The following RAB37 variants were observed in gnomAD, a reference collection of about 807,000 sequenced individuals.
RAB37 encodes ras-related protein Rab-37.
A neutral mutation model predicts 33.1 loss-of-function variants in RAB37; 29 were observed. That is an observed-to-expected ratio of 0.88 (90% CI 0.65 to 1.20). The LOEUF (loss-of-function observed/expected upper bound fraction) is 1.20. Ranked by LOEUF, RAB37 falls within the 50% of genes most tolerant of loss-of-function variation. The probability of loss-of-function intolerance (pLI) is 0.00; values close to 1 mark genes in which losing one functional copy is unlikely to be tolerated. For synonymous variants in RAB37, 128 were observed against 119.5 expected (o/e 1.07, Z -0.47); for missense variants, 299 against 301.1 (o/e 0.99, Z 0.05).
intron 1 of RAB37, among the ~76,000 whole-genome samples, chr17:74,705,706 C>T (rs1053565595): frequency 7.2e-5 from 11 of 152,216 alleles, no homozygotes; most frequent in African/African-American, 2.6e-4. Flanking sequence ...TTGATCCTCC[C>T]ACTTCAGCCT....
chr17:74,680,792 G>A (rs1335542211), intron 1 of RAB37, among the ~76,000 whole-genome samples: 1 of 152,110 alleles, frequency 6.6e-6, no homozygotes, highest in Admixed American at 6.6e-5. Flanking sequence ...GAAAGGGAAG[G>A]GATGTTCCGT....
upstream of RAB37, among the ~76,000 whole-genome samples, chr17:74,735,051 AAGAAAGAAAG>A (rs1186535998): frequency 5.6e-5 from 8 of 143,148 alleles, no homozygotes; most frequent in African/African-American, 7.5e-5. Context: ...GAAAGAAAGA[AAGAAAGAAAG>A]AGAAAGAAAG....
intron 1 of RAB37, among the ~76,000 whole-genome samples, chr17:74,680,449 A>G (rs954482539): frequency 1.3e-5 from 2 of 152,144 alleles, no homozygotes; most frequent in Non-Finnish European, 2.9e-5. Context: ...GCCACATTAT[A>G]ATCAGGAGAT....
intron 1 of RAB37, among the ~76,000 whole-genome samples, chr17:74,678,180 C>G (rs2031881361): frequency 6.6e-6 from 1 of 152,190 alleles, no homozygotes; most frequent in Non-Finnish European, 1.5e-5. Flanking sequence ...GAGATCACAG[C>G]TCCTTGTTAA....
upstream of RAB37, chr17:74,737,214 G>GGGC: frequency 1.6e-6 from 2 of 1,245,272 alleles, no homozygotes; most frequent in East Asian, 2.6e-5. Context: ...CGGGGGTGGG[G>GGGC]CCGTTCCTGC....
chr17:74,728,671 T>C lies in RAB37; in HGVS notation c.73-585T>C, dbSNP rs796604956. On this transcript the variant is annotated intron_variant, in intron 1 of 7. Transcript: ENST00000340415. ...TATATGTGTGCTCTGTGTATGCATA[T>C]GTTTGTGTGTGCATGTGTGTTCTGT... Among the ~76,000 whole-genome samples the C allele has an allele frequency of 2.0e-4, 30 of 151,806 alleles. 1 individual carries two copies. Among genetic ancestry groups the C allele is most frequent in the African/African-American group, 7.2e-4 (30 of 41,392 alleles).
intron 1 of RAB37, among the ~76,000 whole-genome samples, chr17:74,679,897 G>T (rs2031917132): frequency 6.7e-6 from 1 of 149,168 alleles, no homozygotes; most frequent in Non-Finnish European, 1.5e-5. Context: ...AGAATTGCTT[G>T]AACCCAGGAG....
intron 1 of RAB37, among the ~76,000 whole-genome samples, chr17:74,699,947 C>A (rs910533621): frequency 6.6e-6 from 1 of 151,906 alleles, no homozygotes; most frequent in Middle Eastern, 3.2e-3. Flanking sequence ...TCAAGACCAG[C>A]CTGACCAACA....
chr17:74,718,977 T>C (rs1196693136), intron 1 of RAB37, among the ~76,000 whole-genome samples: 3 of 152,172 alleles, frequency 2.0e-5, no homozygotes, highest in Middle Eastern at 3.4e-3. Flanking sequence ...GTGTTGATAA[T>C]GGGGAAGGTT....
intron 1 of RAB37, among the ~76,000 whole-genome samples, chr17:74,693,809 G>C (rs2032215242): frequency 6.6e-6 from 1 of 151,946 alleles, no homozygotes. Flanking sequence ...GGCACCTGTA[G>C]TTTCAGCTAC....
intron 1 of RAB37, among the ~76,000 whole-genome samples, chr17:74,725,218 C>T (rs2034291567): frequency 6.6e-6 from 1 of 152,066 alleles, no homozygotes. Context: ...AAGCTCCTCT[C>T]CTTCTCCTCC....
chr17:74,704,744 T>C (rs753138359), intron 1 of RAB37: 2 of 1,614,046 alleles, frequency 1.2e-6, no homozygotes, highest in African/African-American at 1.3e-5. Flanking sequence ...GTAAACACAC[T>C]GCACGGTCAA....
chr17:74,698,519 C>T (rs762255966), intron 1 of RAB37: 2 of 1,579,332 alleles, frequency 1.3e-6, no homozygotes, highest in East Asian at 4.6e-5. Context: ...ATCCCAGGCT[C>T]ACCACCTGCC....
rs2031703234 is a variant in RAB37 at position 74,671,469 on chromosome 17, G to A, written c.-118G>A. ...ACTGTCCAGTGCTGAAAACGGATGCGGCCCGGCCCGCAGAGCTCAGACCCA... is the reference window on the plus strand; with the variant it reads ...ACTGTCCAGTGCTGAAAACGGATGCAGCCCGGCCCGCAGAGCTCAGACCCA... On this transcript the variant is annotated 5_prime_UTR_variant, in exon 1 of 8. Transcript: ENST00000340415. The surrounding 1 kb of genome is among the most constrained non-coding windows in gnomAD (Gnocchi z 5.0). 5.0e-5 allele frequency: 47 copies of A among 931,342 alleles called. No homozygotes were observed. In the South Asian group the frequency reaches 6.4e-4, roughly 13 times the overall value. 57.7% of individuals were successfully genotyped at this position (931,342 alleles called of 1,614,324 possible). A position where few individuals can be genotyped will look rare whatever the true frequency, so the allele number is the denominator to read the frequency against.
At chr17:74,709,810 C>T (rs909081719) in intron 1 of RAB37, among the ~76,000 whole-genome samples, 2 of 152,068 alleles carry the variant, frequency 1.3e-5, no homozygotes, top group South Asian at 2.1e-4. Flanking sequence ...TGGACTCAAC[C>T]GATCTGCCTG....
At chr17:74,709,742 ATT>A (rs534800950) in intron 1 of RAB37, among the ~76,000 whole-genome samples, 2 of 146,118 alleles carry the variant, frequency 1.4e-5, no homozygotes, top group South Asian at 4.3e-4. Context: ...CCAGGCTAGT[ATT>A]TTTTTTTTTG....
At chr17:74,716,285 T>C (rs1340859612) in intron 1 of RAB37, among the ~76,000 whole-genome samples, 1 of 152,182 alleles carries the variant, frequency 6.6e-6, no homozygotes, top group Non-Finnish European at 1.5e-5. Flanking sequence ...CGCACCTATG[T>C]ATGTATGTAT....
chr17:74,696,141 G>A (rs2032448630), intron 1 of RAB37: 2 of 1,569,080 alleles, frequency 1.3e-6, no homozygotes, highest in African/African-American at 1.4e-5. Flanking sequence ...GGAAAATGAG[G>A]AAGGGGAAAG....
At chr17:74,715,043 A>C (rs2034148956) in intron 1 of RAB37, among the ~76,000 whole-genome samples, 1 of 152,226 alleles carries the variant, frequency 6.6e-6, no homozygotes, top group Non-Finnish European at 1.5e-5. Context: ...AATAACTTGA[A>C]CACAGGAGGT....
Sources: allele counts gnomAD v4.1 joint callset (sites outside exome capture counted in the v4.1 genomes callset), GRCh38; gene constraint gnomAD v4.1.1; non-coding constraint Gnocchi (gnomAD v3.1); transcripts MANE v1.5; gene names NCBI Gene and HGNC (gene_info 2026-07-23, HGNC 2026-07-21).